TMED10: variants seen among roughly 807,000 people sequenced by gnomAD.
The protein encoded by TMED10 is transmembrane emp24 domain-containing protein 10.
A neutral mutation model predicts 23.1 loss-of-function variants in TMED10; 7 were observed. The observed-to-expected ratio is 0.30, with a 90% CI of 0.17 to 0.57. The LOEUF (loss-of-function observed/expected upper bound fraction) is 0.57, where lower values mean the gene tolerates loss of function less well. Ranked by LOEUF, TMED10 falls within the 20% of genes least tolerant of loss-of-function variation. TMED10 has a pLI of 0.91. For missense variants in TMED10, 162 were observed against 274.8 expected (o/e 0.59, Z 2.90); for synonymous variants, 113 against 106.9 (o/e 1.06, Z -0.35).
intron 2 of TMED10, among the ~76,000 whole-genome samples, chr14:75,150,877 C>G (rs757767486): frequency 1.8e-4 from 28 of 152,294 alleles, no homozygotes; most frequent in Admixed American, 3.9e-4. Flanking sequence ...TAATTTTTCT[C>G]TCTGCATTTG....
At chr14:75,175,112 A>AG (rs1237302148) in intron 1 of TMED10, among the ~76,000 whole-genome samples, 11 of 152,134 alleles carry the variant, frequency 7.2e-5, no homozygotes, top group Non-Finnish European at 1.6e-4. Flanking sequence ...TGTGTTACAA[A>AG]GAAAAAAAAA....
At position 75,147,725 on chromosome 14, in the gene TMED10, A is replaced by G. The variant is rs1895904732; in HGVS notation, c.350T>C (p.Ile117Thr). ...GTCTAGGATCACGAGTTGGTCAGGT[A>G]TCCGCCCTGTTCCTGAGAAAGAAAT... ...VCFESKGTGR[I>T]PDQLVILDMK... The change falls in exon 3 of 5, where the codon ATA becomes ACA. Residue 117 changes from isoleucine (I) to threonine (T), a missense_variant. Transcript: ENST00000303575. 1 of 1,614,120 alleles carries G rather than the reference A, an allele frequency of 6.2e-7. No individual in the cohort carries two copies. Among genetic ancestry groups the G allele is most frequent in the Admixed American group, 1.7e-5 (1 of 60,018 alleles).
intron 1 of TMED10, among the ~76,000 whole-genome samples, chr14:75,166,517 A>C (rs1327922373): frequency 6.6e-6 from 1 of 152,178 alleles, no homozygotes; most frequent in East Asian, 1.9e-4. Context: ...AGTCAGCATA[A>C]AGATATGGTG....
At chr14:75,140,320 C>T (rs545176008) in intron 3 of TMED10, among the ~76,000 whole-genome samples, 5 of 151,070 alleles carry the variant, frequency 3.3e-5, no homozygotes, top group African/African-American at 7.3e-5. Context: ...AGGCTGGTCT[C>T]GAACTTGTGA....
chr14:75,156,368 A>T (rs1896018763), intron 1 of TMED10, among the ~76,000 whole-genome samples: 1 of 152,170 alleles, frequency 6.6e-6, no homozygotes, highest in Admixed American at 6.5e-5. Context: ...TTAGTAACCC[A>T]TGAACTGAAG....
chr14:75,131,919 A>G lies in TMED10; in HGVS notation c.*2966T>C, dbSNP rs1162128063. 2.0e-5 allele frequency: 3 copies of G among 152,514 alleles called. No homozygotes were observed. The East Asian group carries it at 5.8e-4, about 29-fold the overall frequency. The allele number at this position is 152,514 out of a possible 1,614,324, so 9.4% of individuals were successfully genotyped here. On this transcript the variant is annotated 3_prime_UTR_variant, in exon 5 of 5. Transcript: ENST00000303575. The stretch of plus-strand genomic sequence containing the variant: ...TAGGGTCACACTTGGGAACAAAAGC[A>G]TCAACGAAATAAAATATTCTCTTCT...
intron 1 of TMED10, among the ~76,000 whole-genome samples, chr14:75,172,771 G>A (rs1017665513): frequency 5.9e-5 from 9 of 152,194 alleles, no homozygotes; most frequent in East Asian, 1.9e-4. Context: ...AAGATGACAC[G>A]TGTGGAAAGA....
At chr14:75,146,837 T>C (rs1048805609) in intron 3 of TMED10, among the ~76,000 whole-genome samples, 2 of 152,194 alleles carry the variant, frequency 1.3e-5, no homozygotes, top group Middle Eastern at 3.2e-3. Context: ...AACTAAAAAC[T>C]ATCTTTGACT....
At chr14:75,160,758 T>G (rs1293525704) in intron 1 of TMED10, among the ~76,000 whole-genome samples, 1 of 152,018 alleles carries the variant, frequency 6.6e-6, no homozygotes, top group African/African-American at 2.4e-5. Flanking sequence ...ACTTAAAAAG[T>G]AGGGGGGATG....
Position 75,135,034 on chromosome 14 carries a change from A to C in TMED10, c.539-28T>G, listed in dbSNP as rs12435391. On this transcript the variant is annotated intron_variant, in intron 4 of 4. Transcript: ENST00000303575. ...AAAAAAAAACAAAAGCATTGTAAAC[A>C]TAATGAAGTGAGCCTCCTCAGCTGG... 4 of 1,612,418 alleles carry C rather than the reference A, an allele frequency of 2.5e-6. No individual in the cohort carries two copies. The East Asian group carries it at 8.9e-5, about 36-fold the overall frequency.
At chr14:75,146,893 A>G (rs557655447) in intron 3 of TMED10, among the ~76,000 whole-genome samples, 1 of 143,378 alleles carries the variant, frequency 7.0e-6, no homozygotes, top group African/African-American at 2.6e-5. Context: ...ACTAAACAGC[A>G]CTGAATCCAT....
chr14:75,163,325 G>A (rs552634941), intron 1 of TMED10, among the ~76,000 whole-genome samples: 170 of 152,094 alleles, frequency 1.1e-3, no homozygotes, highest in African/African-American at 3.8e-3. Flanking sequence ...GGTTGAGGCA[G>A]GCAGATCACT....
At chr14:75,163,534 C>T (rs1214269045) in intron 1 of TMED10, among the ~76,000 whole-genome samples, 2 of 112,618 alleles carry the variant, frequency 1.8e-5, no homozygotes, top group African/African-American at 3.6e-5. Flanking sequence ...GCCTGGGCGA[C>T]AGAGTGAGAC....
intron 1 of TMED10, among the ~76,000 whole-genome samples, chr14:75,164,577 A>ATTT (rs60845992): frequency 3.3e-4 from 15 of 45,078 alleles, no homozygotes; most frequent in South Asian, 2.5e-3. Context: ...ATATATATAT[A>ATTT]TTTTTTTTTT....
At position 75,152,129 on chromosome 14, in the gene TMED10, A is replaced by G. The variant is rs1168781215; in HGVS notation, c.240T>C (p.Ala80=). The G allele has an allele frequency of 1.9e-6, 3 of 1,613,604 alleles. No individual in the cohort carries two copies. The highest frequency in any genetic ancestry group is 2.7e-5 in the African/African-American group (2 of 74,930). ...CCTCTTTGGAGTAGAGAATATGGCCAGCAGAATCTGTGATCTAAAATAAGA... is the reference window on the plus strand; with the variant it reads ...CCTCTTTGGAGTAGAGAATATGGCCGGCAGAATCTGTGATCTAAAATAAGA... ...LRSHLKITDS[A]GHILYSKEDA... Residue 80 remains alanine (A), a synonymous_variant, in exon 2 of 5, where the codon GCT becomes GCC. Transcript: ENST00000303575.
intron 2 of TMED10, among the ~76,000 whole-genome samples, chr14:75,148,923 A>T (rs175430): frequency 0.73 from 111,222 of 151,976 alleles, 43,961 homozygotes; most frequent in Non-Finnish European, 0.88. Flanking sequence ...ATTAAAAAAA[A>T]TTTTTTGAGA....
intron 1 of TMED10, among the ~76,000 whole-genome samples, chr14:75,170,100 G>A (rs1003285940): frequency 3.3e-5 from 5 of 152,010 alleles, no homozygotes; most frequent in Admixed American, 6.6e-5. Flanking sequence ...GGTGGCGGGC[G>A]CCTGTAGTCC....
At chr14:75,156,780 T>A (rs1309456835) in intron 1 of TMED10, among the ~76,000 whole-genome samples, 1 of 151,646 alleles carries the variant, frequency 6.6e-6, no homozygotes, top group East Asian at 1.9e-4. Flanking sequence ...AATACAAAAA[T>A]TAGTTGGGCA....
At chr14:75,139,059 A>T (rs1240608695) in intron 3 of TMED10, 1 of 420,420 alleles carries the variant, frequency 2.4e-6, no homozygotes, top group Non-Finnish European at 4.7e-6. Context: ...AAGAGAATAT[A>T]AACCAAAAGT....
Sources: allele counts gnomAD v4.1 joint callset (sites outside exome capture counted in the v4.1 genomes callset), GRCh38; gene constraint gnomAD v4.1.1; transcripts MANE v1.5; gene names NCBI Gene and HGNC (gene_info 2026-07-23, HGNC 2026-07-21).